CD1B: variants seen among roughly 807,000 people sequenced by gnomAD.
CD1B encodes the protein CD1b molecule, also known as T-cell surface glycoprotein CD1b.
CD1B carries 43 observed loss-of-function variants against 39.8 expected under a neutral mutation model. The ratio of observed to expected loss-of-function variants is 1.08; its 90% CI spans 0.85 to 1.39. The LOEUF (loss-of-function observed/expected upper bound fraction) is 1.39. CD1B is among the 40% of genes most tolerant of loss of function. The pLI is 0.00. For synonymous variants in CD1B, 192 were observed against 152.5 expected (o/e 1.26, Z -1.91); for missense variants, 495 against 403.8 (o/e 1.23, Z -1.94).
At chr1:158,293,707 A>T in the CD1B span, 1 of 1,004,062 alleles carries the variant, frequency 1.0e-6, no homozygotes, top group Non-Finnish European at 1.5e-6. Context: ...TCCTCCAACG[A>T]TCTTCCTTGA....
the CD1B span, among the ~76,000 whole-genome samples, chr1:158,316,365 T>A: frequency 9.9e-5 from 15 of 151,984 alleles, no homozygotes; most frequent in East Asian, 2.9e-3. Flanking sequence ...CTTGAAGAGG[T>A]CCTTCACATC....
the CD1B span, among the ~76,000 whole-genome samples, chr1:158,307,502 A>G: frequency 6.6e-6 from 1 of 152,152 alleles, no homozygotes; most frequent in African/African-American, 2.4e-5. Context: ...TTCTACCAGA[A>G]GTACAAGGAG....
chr1:158,293,109 A>G, the CD1B span: 1 of 987,430 alleles, frequency 1.0e-6, no homozygotes, highest in Non-Finnish European at 1.6e-6. Flanking sequence ...AGGATAACTG[A>G]TGCAACTCAT....
At chr1:158,307,762 A>T in the CD1B span, among the ~76,000 whole-genome samples, 18 of 152,230 alleles carry the variant, frequency 1.2e-4, no homozygotes, top group East Asian at 1.5e-3. Flanking sequence ...CATCTTGAAA[A>T]GTCCTTTGAC....
the CD1B span, among the ~76,000 whole-genome samples, chr1:158,299,971 T>G: frequency 1.3e-5 from 2 of 152,206 alleles, no homozygotes; most frequent in Non-Finnish European, 2.9e-5. Context: ...AAGATTTTTT[T>G]TGTGTCTTTA....
At chr1:158,323,226 A>G (rs1197630138), downstream of CD1B, among the ~76,000 whole-genome samples, 2 of 151,416 alleles carry the variant, frequency 1.3e-5, no homozygotes, top group African/African-American at 4.9e-5. Flanking sequence ...CAAATAGTCT[A>G]TCTTAGATTT....
At chr1:158,320,260 A>G in the CD1B span, among the ~76,000 whole-genome samples, 1 of 152,112 alleles carries the variant, frequency 6.6e-6, no homozygotes, top group Non-Finnish European at 1.5e-5. Context: ...CCTCAGCCTC[A>G]CTGCCGCCTT....
chr1:158,320,684 C>G, the CD1B span, among the ~76,000 whole-genome samples: 5 of 152,018 alleles, frequency 3.3e-5, no homozygotes, highest in African/African-American at 1.2e-4. Context: ...GGCTCCTCCC[C>G]CTCCATAGGT....
the CD1B span, chr1:158,292,964 G>A: frequency 7.8e-7 from 1 of 1,277,730 alleles, no homozygotes; most frequent in Non-Finnish European, 1.1e-6. Flanking sequence ...ACCTAGGTGA[G>A]GGATTGTAGG....
chr1:158,330,216 T>C, intron 2 of CD1B, 86 bp from the exon 3 acceptor site: 2 of 1,269,242 alleles, frequency 1.6e-6, no homozygotes, highest in Admixed American at 2.3e-5. Flanking sequence ...TAGATTTTGG[T>C]GGGGATAAAG....
At chr1:158,307,590 C>T in the CD1B span, among the ~76,000 whole-genome samples, 2 of 152,114 alleles carry the variant, frequency 1.3e-5, no homozygotes, top group African/African-American at 4.8e-5. Context: ...TTTATGAGGC[C>T]AGCATTATCC....
At chr1:158,320,143 C>T in the CD1B span, among the ~76,000 whole-genome samples, 2 of 152,214 alleles carry the variant, frequency 1.3e-5, no homozygotes, top group East Asian at 3.9e-4. Context: ...GAGGTGGAGC[C>T]TACAGAGGCA....
the CD1B span, among the ~76,000 whole-genome samples, chr1:158,313,251 G>A: frequency 6.6e-6 from 1 of 152,096 alleles, no homozygotes; most frequent in Non-Finnish European, 1.5e-5. Context: ...TAGTTTGCTA[G>A]CATTTTCTTG....
the CD1B span, chr1:158,292,327 G>T: frequency 6.2e-7 from 1 of 1,614,124 alleles, no homozygotes; most frequent in Non-Finnish European, 8.5e-7. Flanking sequence ...TTTCTCTTGG[G>T]TCTCCTGGAT....
At chr1:158,315,685 G>T in the CD1B span, among the ~76,000 whole-genome samples, 27 of 151,564 alleles carry the variant, frequency 1.8e-4, no homozygotes, top group Non-Finnish European at 2.1e-4. Flanking sequence ...GTCAATTTTG[G>T]CTTTTGTTGC....
At chr1:158,306,601 C>G in the CD1B span, among the ~76,000 whole-genome samples, 1 of 152,198 alleles carries the variant, frequency 6.6e-6, no homozygotes, top group African/African-American at 2.4e-5. Flanking sequence ...CTACAGAACT[C>G]TCCACCCCAA....
chr1:158,331,373 G>T lies in CD1B; in HGVS notation c.51C>A (p.Asn17Lys). The T allele has an allele frequency of 6.2e-7, 1 of 1,613,952 alleles. No individual in the cohort carries two copies. Among genetic ancestry groups the T allele is most frequent in the Non-Finnish European group, 8.5e-7 (1 of 1,179,818 alleles). The change falls in exon 1 of 6, where the codon AAC becomes AAA. Residue 17 changes from asparagine (N) to lysine (K), a missense_variant. By Grantham distance (94) the Asn-to-Lys change is moderately conservative. Coordinates refer to ENST00000368168, the MANE Select transcript of CD1B (RefSeq NM_001764.3). ...CAGAGTGACTCTTACCATGTTCACT[G>T]TTACCACCAGGAAAGAGAACAGCTA... Reference protein sequence around the residue: ...QLLAVLFPGGNSEHAFQGPTS... With the variant: ...QLLAVLFPGGKSEHAFQGPTS...
At chr1:158,328,853 T>TA (rs1283454875) in intron 5 of CD1B, 68 bp downstream of exon 5, 17 of 1,087,452 alleles carry the variant, frequency 1.6e-5, no homozygotes, top group East Asian at 1.5e-4. Flanking sequence ...GATAAAATGG[T>TA]AAAAAACAGT....
At chr1:158,316,740 T>C in the CD1B span, among the ~76,000 whole-genome samples, 1 of 151,566 alleles carries the variant, frequency 6.6e-6, no homozygotes. Context: ...TGTGCCAGTT[T>C]TCAAAGTGAA....
Sources: gnomAD v4.1 joint callset for allele counts (sites outside exome capture counted in the v4.1 genomes callset) on GRCh38, gnomAD v4.1.1 for gene constraint, MANE v1.5 for transcripts, NCBI Gene and HGNC (gene_info 2026-07-23, HGNC 2026-07-21) for gene names.